HEMK2: variants seen among roughly 807,000 people sequenced by gnomAD.
HEMK2 encodes the protein methyltransferase HEMK2.
the HEMK2 span, among the ~76,000 whole-genome samples, chr21:28,811,760 AAT>A: frequency 6.6e-6 from 1 of 152,188 alleles, no homozygotes; most frequent in African/African-American, 2.4e-5. Context: ...TTTGCTACAT[AAT>A]ATGATGCCAA....
the HEMK2 span, among the ~76,000 whole-genome samples, chr21:28,751,785 T>C: frequency 2.0e-5 from 3 of 152,336 alleles, no homozygotes; most frequent in Middle Eastern, 3.4e-3. Context: ...GTTCAAACGA[T>C]TCTCCTGCCT....
At chr21:28,684,971 T>C in the HEMK2 span, among the ~76,000 whole-genome samples, 5 of 152,252 alleles carry the variant, frequency 3.3e-5, no homozygotes, top group African/African-American at 1.2e-4. Flanking sequence ...ACTATTGCAA[T>C]AGGGAAATGA....
the HEMK2 span, among the ~76,000 whole-genome samples, chr21:28,811,489 A>C: frequency 2.2e-3 from 338 of 152,062 alleles, 4 homozygotes; most frequent in African/African-American, 7.7e-3. Context: ...GAAAAGAAAG[A>C]AAGCCAAGAA....
At chr21:28,802,582 T>G in the HEMK2 span, among the ~76,000 whole-genome samples, 3 of 151,714 alleles carry the variant, frequency 2.0e-5, no homozygotes, top group African/African-American at 4.8e-5. Context: ...AACACAAAAA[T>G]TAGCTGGGCA....
chr21:28,606,719 A>G, the HEMK2 span, among the ~76,000 whole-genome samples: 1 of 152,240 alleles, frequency 6.6e-6, no homozygotes, highest in East Asian at 1.9e-4. Flanking sequence ...CAATATGCAC[A>G]GTGGTTACAG....
At chr21:28,709,169 G>C in the HEMK2 span, among the ~76,000 whole-genome samples, 84,559 of 152,020 alleles carry the variant, frequency 0.56, 26,179 homozygotes, top group East Asian at 0.84. Context: ...GGCCTTCATT[G>C]TCCTAATACC....
chr21:28,675,971 C>A, the HEMK2 span, among the ~76,000 whole-genome samples: 10 of 152,172 alleles, frequency 6.6e-5, no homozygotes, highest in African/African-American at 2.4e-4. Context: ...CTGGGCATTA[C>A]CCTGCCCCGT....
the HEMK2 span, among the ~76,000 whole-genome samples, chr21:28,789,915 T>C: frequency 2.4e-4 from 37 of 152,192 alleles, 1 homozygote; most frequent in Non-Finnish European, 5.0e-4. Flanking sequence ...AATACCCATA[T>C]GAAGATTTTT....
the HEMK2 span, among the ~76,000 whole-genome samples, chr21:28,736,870 T>A: frequency 6.6e-6 from 1 of 152,182 alleles, no homozygotes; most frequent in Non-Finnish European, 1.5e-5. Flanking sequence ...AAACTCAGAA[T>A]TGACAGTTAC....
At chr21:28,781,699 C>G in the HEMK2 span, among the ~76,000 whole-genome samples, 1 of 152,210 alleles carries the variant, frequency 6.6e-6, no homozygotes, top group Non-Finnish European at 1.5e-5. Context: ...TATTACCAAC[C>G]AGGGAAGCTC....
At chr21:28,798,921 G>C in the HEMK2 span, among the ~76,000 whole-genome samples, 2 of 152,168 alleles carry the variant, frequency 1.3e-5, no homozygotes, top group Admixed American at 6.5e-5. Flanking sequence ...TCAGTAATTT[G>C]AGATGTCTGT....
the HEMK2 span, among the ~76,000 whole-genome samples, chr21:28,711,138 T>C: frequency 2.6e-5 from 4 of 152,230 alleles, no homozygotes; most frequent in South Asian, 8.3e-4. Flanking sequence ...AATTAAAAAA[T>C]AAAAAATCCA....
the HEMK2 span, among the ~76,000 whole-genome samples, chr21:28,723,350 C>G: frequency 1.3e-5 from 2 of 152,090 alleles, no homozygotes; most frequent in Non-Finnish European, 2.9e-5. Flanking sequence ...AACAATTAGT[C>G]TACATGTCAC....
the HEMK2 span, among the ~76,000 whole-genome samples, chr21:28,651,321 G>A: frequency 1.8e-4 from 27 of 152,172 alleles, no homozygotes; most frequent in African/African-American, 6.3e-4. Flanking sequence ...TTTGAACTTA[G>A]CCATAAGAAG....
At chr21:28,841,599 T>C in the HEMK2 span, among the ~76,000 whole-genome samples, 5 of 148,042 alleles carry the variant, frequency 3.4e-5, no homozygotes, top group African/African-American at 1.0e-4. Context: ...TTCTCACTGA[T>C]ATGTGGGAGC....
the HEMK2 span, among the ~76,000 whole-genome samples, chr21:28,586,987 A>C: frequency 6.6e-6 from 1 of 152,212 alleles, no homozygotes; most frequent in Non-Finnish European, 1.5e-5. Flanking sequence ...AAACATTCAG[A>C]CCATAGCAGC....
the HEMK2 span, among the ~76,000 whole-genome samples, chr21:28,613,083 G>C: frequency 0.12 from 18,451 of 150,650 alleles, 1,230 homozygotes; most frequent in African/African-American, 0.15. Context: ...GTGATAGATA[G>C]ATAGATAGAT....
At chr21:28,797,450 A>C in the HEMK2 span, among the ~76,000 whole-genome samples, 2 of 151,634 alleles carry the variant, frequency 1.3e-5, no homozygotes, top group South Asian at 4.1e-4. Context: ...AACAAAAAAA[A>C]AAAACAAAAA....
the HEMK2 span, among the ~76,000 whole-genome samples, chr21:28,812,956 G>A: frequency 5.3e-5 from 8 of 152,144 alleles, no homozygotes; most frequent in African/African-American, 1.9e-4. Context: ...ATGGTAGTTT[G>A]TATTTCTGGG....
Sources: allele counts gnomAD v4.1 joint callset (sites outside exome capture counted in the v4.1 genomes callset), GRCh38; gene constraint gnomAD v4.1.1; transcripts MANE v1.5; gene names NCBI Gene and HGNC (gene_info 2026-07-23, HGNC 2026-07-21).